Variants in SRP54 observed in about 807,000 individuals in gnomAD.
SRP54 encodes the protein signal recognition particle subunit SRP54.
SRP54 carries 10 observed loss-of-function variants against 64.8 expected under a neutral mutation model. The observed-to-expected ratio is 0.15, with a 90% confidence interval of 0.10 to 0.26. The LOEUF is 0.26. Among genes scored for constraint, SRP54 ranks in the 10% least tolerant of loss-of-function variants. The probability of loss-of-function intolerance (pLI) is 1.00; values close to 1 mark genes in which losing one functional copy is unlikely to be tolerated. For synonymous variants in SRP54, 193 were observed against 185.6 expected (o/e 1.04, Z -0.32); for missense variants, 325 against 613.7 (o/e 0.53, Z 4.97).
At chr14:34,995,815 A>G (rs896287272) in intron 1 of SRP54, among the ~76,000 whole-genome samples, 6 of 152,160 alleles carry the variant, frequency 3.9e-5, no homozygotes, top group African/African-American at 1.4e-4. Flanking sequence ...TCATTATCCT[A>G]TTTTAGAGTT....
At chr14:35,007,718 C>T (rs36159852) in intron 5 of SRP54, among the ~76,000 whole-genome samples, 21,466 of 131,066 alleles carry the variant, frequency 0.16, 3,037 homozygotes, top group East Asian at 0.36. Flanking sequence ...AATATATTTA[C>T]ATAAAATAGA....
chr14:35,027,026 CTTTTTTTT>C (rs368696128), intron 14 of SRP54, among the ~76,000 whole-genome samples: 1 of 135,060 alleles, frequency 7.4e-6, no homozygotes, highest in Non-Finnish European at 1.6e-5. Flanking sequence ...TTTCTACTTT[CTTTTTTTT>C]TTTTTTTTCT....
chr14:35,015,915 C>T (rs1279876472), intron 11 of SRP54, among the ~76,000 whole-genome samples: 2 of 152,172 alleles, frequency 1.3e-5, no homozygotes, highest in Non-Finnish European at 2.9e-5. Flanking sequence ...TCATAGACAT[C>T]TCAAATTCAG....
Position 35,008,802 on chromosome 14 carries a change from T to C in SRP54, c.456T>C (p.Ala152=), listed in dbSNP as rs1016799744. 5.6e-6 allele frequency: 9 copies of C among 1,609,998 alleles called. No individual in the cohort carries two copies. The East Asian group carries it at 2.0e-4, about 36-fold the overall frequency. ...CTTTTGACCAACTAAAACAGAATGC[T>C]ACCAAAGCAAGAATTCCATTTTATG... ...AGAFDQLKQN[A]TKARIPFYGS... The change falls in exon 7 of 16, where the codon GCT becomes GCC. Residue 152 remains alanine (A), a synonymous_variant. Transcript: ENST00000216774.
intron 14 of SRP54, among the ~76,000 whole-genome samples, chr14:35,024,980 CT>C (rs1203681161): frequency 1.3e-5 from 2 of 152,146 alleles, no homozygotes; most frequent in East Asian, 3.9e-4. Flanking sequence ...ATTCGCCCGC[CT>C]TAGCTTCCTA....
At chr14:35,010,720 G>C (rs8009646) in intron 7 of SRP54, among the ~76,000 whole-genome samples, 1 of 151,684 alleles carries the variant, frequency 6.6e-6, no homozygotes, top group Non-Finnish European at 1.5e-5. Flanking sequence ...AGCCGAGATC[G>C]CACCACTGCA....
intron 8 of SRP54, among the ~76,000 whole-genome samples, chr14:35,012,608 GA>G (rs2044373045): frequency 6.6e-6 from 1 of 152,008 alleles, no homozygotes; most frequent in African/African-American, 2.4e-5. Context: ...TTTTTGCCTA[GA>G]TTGCCATTCT....
intron 11 of SRP54, among the ~76,000 whole-genome samples, chr14:35,016,840 CTTTTCTTTTTTT>C (rs2044448413): frequency 1.4e-5 from 1 of 71,616 alleles, no homozygotes; most frequent in South Asian, 6.0e-4. Flanking sequence ...CCTTTTTTTT[CTTTTCTTTTTTT>C]TTTTTTTTCT....
chr14:34,987,275 G>GTGTGTATA (rs1555352664), intron 1 of SRP54, among the ~76,000 whole-genome samples: 3 of 131,498 alleles, frequency 2.3e-5, no homozygotes, highest in Non-Finnish European at 4.8e-5. Flanking sequence ...GTGTGTGTGT[G>GTGTGTATA]TATATATATA....
Position 35,011,511 on chromosome 14 carries a change from A to T in SRP54, c.488A>T (p.Tyr163Phe). The T allele has an allele frequency of 6.6e-7, 1 of 1,508,640 alleles. No individual in the cohort carries two copies. The highest frequency in any genetic ancestry group is 1.4e-5 in the South Asian group (1 of 71,956). 93.5% of individuals were successfully genotyped at this position (1,508,640 alleles called of 1,614,324 possible). ...AATCATTTGTCCATGTTATATAGCT[A>T]TACAGAAATGGATCCTGTCATCATT... ...TKARIPFYGSYTEMDPVIIAS... is the reference protein window; with the variant it reads ...TKARIPFYGSFTEMDPVIIAS... Residue 163 changes from tyrosine (Y) to phenylalanine (F), a missense_variant and splice_region_variant, in exon 8 of 16, where the codon TAT becomes TTT. Physicochemically the swap from Tyr to Phe is conservative, Grantham distance 22. This residue lies in a region of SRP54 where 156 missense variants were observed against 254.6 expected (regional missense o/e 0.61). Coordinates refer to ENST00000216774, the MANE Select transcript of SRP54 (RefSeq NM_003136.4).
chr14:35,011,444 CT>C, intron 7 of SRP54, 64 bp from the exon 8 acceptor site: 1 of 1,256,776 alleles, frequency 8.0e-7, no homozygotes, highest in Non-Finnish European at 1.0e-6. Context: ...GGTAAATTAA[CT>C]TTCCGAATTA....
chr14:34,999,145 G>A (rs1374424660), intron 2 of SRP54, among the ~76,000 whole-genome samples: 1 of 151,348 alleles, frequency 6.6e-6, no homozygotes, highest in Non-Finnish European at 1.5e-5. Context: ...CTCCTGAGTA[G>A]CTGGGATCAC....
intron 4 of SRP54, among the ~76,000 whole-genome samples, chr14:35,002,737 CTTTTT>C (rs71121258): frequency 1.1e-5 from 1 of 94,986 alleles, no homozygotes. Flanking sequence ...GCCTGGCCTC[CTTTTT>C]TTTTTTTTTT....
chr14:35,016,761 C>G (rs935423551), intron 11 of SRP54, among the ~76,000 whole-genome samples: 7 of 151,578 alleles, frequency 4.6e-5, no homozygotes, highest in African/African-American at 1.7e-4. Context: ...AGCACAGTGT[C>G]TGGCACATAG....
At chr14:35,000,622 G>T (rs1566646278) in intron 3 of SRP54, among the ~76,000 whole-genome samples, 1 of 151,688 alleles carries the variant, frequency 6.6e-6, no homozygotes, top group Non-Finnish European at 1.5e-5. Context: ...GATTTCTGTT[G>T]TAAAGATATA....
At chr14:35,007,916 G>T (rs1251921038) in intron 5 of SRP54, among the ~76,000 whole-genome samples, 1 of 150,834 alleles carries the variant, frequency 6.6e-6, no homozygotes, top group Non-Finnish European at 1.5e-5. Flanking sequence ...AGTTTCTTAT[G>T]ATTTTTTTTT....
intron 1 of SRP54, among the ~76,000 whole-genome samples, chr14:34,992,813 C>T (rs799494): frequency 0.2 from 30,599 of 151,864 alleles, 3,677 homozygotes; most frequent in Non-Finnish European, 0.28. Flanking sequence ...AAATTAAAGA[C>T]ACTTCCTAAA....
intron 2 of SRP54, among the ~76,000 whole-genome samples, chr14:34,998,800 CGAAACTCT>C (rs1382374048): frequency 6.7e-6 from 1 of 148,570 alleles, no homozygotes; most frequent in Non-Finnish European, 1.5e-5. Flanking sequence ...GCAACAAGAG[CGAAACTCT>C]GAAACTCTGT....
chr14:35,012,001 A>G (rs1316598843), intron 8 of SRP54, among the ~76,000 whole-genome samples: 1 of 152,018 alleles, frequency 6.6e-6, no homozygotes. Flanking sequence ...GATGGATCAC[A>G]AGGTCAGGAG....
Sources: allele counts gnomAD v4.1 joint callset (sites outside exome capture counted in the v4.1 genomes callset), GRCh38; gene constraint gnomAD v4.1.1; regional missense constraint gnomAD v4.1.1; transcripts MANE v1.5; gene names NCBI Gene and HGNC (gene_info 2026-07-23, HGNC 2026-07-21).